ITGB7: variants seen among roughly 807,000 people sequenced by gnomAD.
The protein encoded by ITGB7 is integrin subunit beta 7.
In ITGB7, 55 loss-of-function variants were observed where a neutral mutation model predicts 83.4. The ratio of observed to expected loss-of-function variants is 0.66; its 90% CI spans 0.53 to 0.83. The LOEUF (loss-of-function observed/expected upper bound fraction) is 0.83, where lower values mean the gene tolerates loss of function less well. Among genes scored for constraint, ITGB7 ranks in the 40% least tolerant of loss-of-function variants. ITGB7 has a pLI of 0.00. For missense variants in ITGB7, 921 were observed against 1,046.7 expected, an observed-to-expected ratio of 0.88 and a Z score of 1.66; for synonymous variants, 454 against 423.6, an observed-to-expected ratio of 1.07 and a Z score of -0.88.
chr12:53,202,782 G>T (rs1325640388), intron 1 of ITGB7, among the ~76,000 whole-genome samples: 4 of 152,044 alleles, frequency 2.6e-5, no homozygotes, highest in Non-Finnish European at 5.9e-5. Context: ...CTAACATAGT[G>T]AAACCCCGTC....
Position 53,192,025 on chromosome 12 carries a change from A to G in ITGB7, c.2156-6T>C. On this transcript the variant is annotated splice_polypyrimidine_tract_variant and splice_region_variant and intron_variant, in intron 14 of 15. Transcript: ENST00000267082. Reference sequence around the variant, plus strand: ...CTGCGTGTGGTCTGCTCCCTCTGTGAACAAGAAACCAGACACACTTGTGGG... The same window carrying G: ...CTGCGTGTGGTCTGCTCCCTCTGTGGACAAGAAACCAGACACACTTGTGGG... 1 of 1,610,066 alleles carries G rather than the reference A, an allele frequency of 6.2e-7. No individual in the cohort carries two copies. The highest frequency in any genetic ancestry group is 8.5e-7 in the Non-Finnish European group (1 of 1,177,674).
rs541490166 is a variant in ITGB7 at position 53,194,314 on chromosome 12, A to T, written c.1192T>A (p.Ser398Thr). ...ATGTGGACCCCAGGAGGGAGTGAAG[A>T]GTGTTCAAGGGTCACGGTGGAAGAC... Reference protein sequence around the residue: ...SLSSTVTLEHSSLPPGVHISY... With the variant: ...SLSSTVTLEHTSLPPGVHISY... The change falls in exon 10 of 16, where the codon TCT becomes ACT. Residue 398 changes from serine (S) to threonine (T), a missense_variant. Transcript: ENST00000267082. 6.2e-7 allele frequency: 1 copy of T among 1,613,960 alleles called. No individual in the cohort carries two copies. Among genetic ancestry groups the T allele is most frequent in the East Asian group, 2.2e-5 (1 of 44,874 alleles).
intron 15 of ITGB7, 34 bp from the exon 16 acceptor site, chr12:53,191,670 T>C (rs1941949140): frequency 6.3e-7 from 1 of 1,588,064 alleles, no homozygotes; most frequent in African/African-American, 1.3e-5. Flanking sequence ...TAAGCAAAAA[T>C]CCCAGGATTC....
intron 14 of ITGB7, 40 bp downstream of exon 14, chr12:53,192,290 C>T (rs1442577291): frequency 6.3e-7 from 1 of 1,590,202 alleles, no homozygotes; most frequent in Non-Finnish European, 8.6e-7. Context: ...AGACCCTGCC[C>T]ATCAAACTTC....
chr12:53,200,866 TTGTA>T (rs1410999867), intron 2 of ITGB7, among the ~76,000 whole-genome samples: 4 of 148,494 alleles, frequency 2.7e-5, no homozygotes, highest in African/African-American at 1.0e-4. Flanking sequence ...GAGGCGGAGG[TTGTA>T]GTGAGCCGAG....
Position 53,196,083 on chromosome 12 carries a change from G to A in ITGB7, c.933C>T (p.Cys311=). The change falls in exon 7 of 16, where the codon TGC becomes TGT. Residue 311 remains cysteine (C), a synonymous_variant. Coordinates refer to ENST00000267082, the MANE Select transcript of ITGB7 (RefSeq NM_000889.3). ...GGIFMPSDGH[C]HLDSNGLYSR... ...TGTAGAGGCCATTGCTGTCCAAGTG[G>A]CAGTGCCCATCACTGGGCATGAAAA... The A allele has an allele frequency of 6.2e-7, 1 of 1,614,176 alleles. No individual in the cohort carries two copies. Among genetic ancestry groups the A allele is most frequent in the Non-Finnish European group, 8.5e-7 (1 of 1,180,016 alleles).
Position 53,200,352 on chromosome 12 carries a change from G to A in ITGB7, c.92C>T (p.Ala31Val), listed in dbSNP as rs1192384463. Reference protein sequence around the residue: ...LDAKIPSTGDATEWRNPHLSM... With the variant: ...LDAKIPSTGDVTEWRNPHLSM... ...CAGGTGAGGATTCCGCCATTCTGTG[G>A]CATCCCCTGTGGATGGGATCTTGGC... is the stretch of plus-strand genomic sequence containing the variant. The change falls in exon 3 of 16, where the codon GCC becomes GTC. Residue 31 changes from alanine to valine, a missense_variant. By Grantham distance (64) the Ala-to-Val change is moderately conservative. Transcript: ENST00000267082. 7.4e-6 allele frequency: 12 copies of A among 1,614,046 alleles called. No individual in the cohort carries two copies. The highest frequency in any genetic ancestry group is 1.6e-4 in the Middle Eastern group (1 of 6,084).
rs770907608 is a variant in ITGB7 at position 53,193,264 on chromosome 12, C to T, written c.1602G>A (p.Gly534=). 3.7e-6 allele frequency: 6 copies of T among 1,613,954 alleles called. No homozygotes were observed. Among genetic ancestry groups the T allele is most frequent in the Admixed American group, 1.7e-5 (1 of 60,018 alleles). The change falls in exon 12 of 16, where the codon GGG becomes GGA. Residue 534 remains glycine, a synonymous_variant. Coordinates refer to ENST00000267082, the MANE Select transcript of ITGB7 (RefSeq NM_000889.3). ...ESGCRAPNGT[G]PLCSGKGHCQ... is the part of the protein sequence containing the mutation. Reference sequence around the variant, plus strand: ...AGTGACCCTTTCCACTGCACAGGGGCCCTGTGCCATTGGGAGCCCGGCACC... The same window carrying T: ...AGTGACCCTTTCCACTGCACAGGGGTCCTGTGCCATTGGGAGCCCGGCACC...
Position 53,193,229 on chromosome 12 carries a change from C to T in ITGB7, c.1637G>A (p.Gly546Glu). 6.2e-7 allele frequency: 1 copy of T among 1,614,188 alleles called. No individual in the cohort carries two copies. The highest frequency in any genetic ancestry group is 8.5e-7 in the Non-Finnish European group (1 of 1,180,030). The change falls in exon 12 of 16, where the codon GGA becomes GAA. Residue 546 changes from glycine (G) to glutamate (E), a missense_variant. Gly to Glu is a moderately conservative substitution (Grantham distance 98). Coordinates refer to ENST00000267082, the MANE Select transcript of ITGB7 (RefSeq NM_000889.3). ...LCSGKGHCQC[G>E]RCSCSGQSSG... ...GCTCTGTCCACTGCAGCTGCAGCGT[C>T]CACATTGACAGTGACCCTTTCCACT...
At chr12:53,198,604 C>T (rs1410574052) in intron 3 of ITGB7, among the ~76,000 whole-genome samples, 1 of 151,812 alleles carries the variant, frequency 6.6e-6, no homozygotes, top group Non-Finnish European at 1.5e-5. Context: ...TAGCAGTCCC[C>T]CACCCCTCCC....
At chr12:53,195,223 T>C in intron 9 of ITGB7, 151 bp downstream of exon 9, 2 of 635,172 alleles carry the variant, frequency 3.1e-6, no homozygotes, top group Non-Finnish European at 5.7e-6. Flanking sequence ...GAACAGTTAA[T>C]GACAGCCACA....
intron 2 of ITGB7, 62 bp from the exon 3 acceptor site, chr12:53,200,508 C>T (rs1942301165): frequency 1.4e-6 from 2 of 1,414,070 alleles, no homozygotes; most frequent in South Asian, 2.4e-5. Context: ...ACTCTCAGTC[C>T]TCTAAACTTA....
chr12:53,197,266 G>C (rs1441643716), intron 5 of ITGB7: 1 of 619,310 alleles, frequency 1.6e-6, no homozygotes, highest in East Asian at 2.8e-5. Context: ...CTCTCCAGAC[G>C]CTGGGTCTCA....
chr12:53,195,892 T>C (rs961278296), intron 7 of ITGB7, 149 bp downstream of exon 7: 74 of 1,025,656 alleles, frequency 7.2e-5, no homozygotes, highest in South Asian at 1.2e-4. Flanking sequence ...GTGTCCTGTC[T>C]CGGCAGCTGA....
chr12:53,199,993 A>G (rs1942285464), intron 3 of ITGB7, among the ~76,000 whole-genome samples: 1 of 152,204 alleles, frequency 6.6e-6, no homozygotes, highest in Non-Finnish European at 1.5e-5. Flanking sequence ...TTCTCTCCAT[A>G]TATACACAAG....
At chr12:53,204,316 G>A (rs1476552351) in intron 1 of ITGB7, among the ~76,000 whole-genome samples, 4 of 151,508 alleles carry the variant, frequency 2.6e-5, no homozygotes, top group Non-Finnish European at 5.9e-5. Context: ...GGAGGCGGAG[G>A]TTGCAGTGAG....
intron 10 of ITGB7, 87 bp downstream of exon 10, chr12:53,194,111 T>A: frequency 6.4e-7 from 1 of 1,571,312 alleles, no homozygotes; most frequent in Non-Finnish European, 8.7e-7. Context: ...TCACTCCCTG[T>A]ACCTGCCACC....
rs369358649 is a variant in ITGB7 at position 53,193,324 on chromosome 12, A to C, written c.1542T>G (p.Ser514=). 1 of 1,606,690 alleles carries C rather than the reference A, an allele frequency of 6.2e-7. No homozygotes were observed. The highest frequency in any genetic ancestry group is 8.5e-7 in the Non-Finnish European group (1 of 1,174,632). Residue 514 remains serine (S), a synonymous_variant, in exon 12 of 16, where the codon TCT becomes TCG. Transcript: ENST00000267082. ...PGRLGRLCEC[S]VAELSSPDLE... ...GGTCTGGGGAGGACAGCTCTGCCAC[A>C]GAGCACTCACAGAGCCGACCTAGGC...
At chr12:53,194,898 G>A (rs1163877412) in intron 9 of ITGB7, 1 of 169,406 alleles carries the variant, frequency 5.9e-6, no homozygotes, top group African/African-American at 2.4e-5. Flanking sequence ...CTTAGTGAAA[G>A]CAGGCTCCAG....
Sources: allele counts gnomAD v4.1 joint callset (sites outside exome capture counted in the v4.1 genomes callset), GRCh38; gene constraint gnomAD v4.1.1; transcripts MANE v1.5; gene names NCBI Gene and HGNC (gene_info 2026-07-23, HGNC 2026-07-21).